CHEK2: variants seen among roughly 807,000 people sequenced by gnomAD.
CHEK2 encodes the protein checkpoint kinase 2, also known as serine/threonine-protein kinase Chk2.
Under a neutral mutation model 69.1 loss-of-function variants are expected in CHEK2, and 71 were observed. That is an observed-to-expected ratio of 1.03 (90% CI 0.85 to 1.25). The LOEUF (loss-of-function observed/expected upper bound fraction) is 1.25, where lower values mean the gene tolerates loss of function less well. Ranked by LOEUF, CHEK2 falls within the 50% of genes most tolerant of loss-of-function variation. The pLI is 0.00. For missense variants in CHEK2, 664 were observed against 649.6 expected (o/e 1.02, Z -0.24); for synonymous variants, 189 against 226.9 (o/e 0.83, Z 1.50).
At chr22:28,734,273 T>A in intron 2 of CHEK2, 130 bp downstream of exon 2, 1 of 800,436 alleles carries the variant, frequency 1.2e-6, no homozygotes, top group Non-Finnish European at 2.1e-6. Context: ...TGTTCATGCA[T>A]GATGTTCAAT....
At chr22:28,714,876 T>C in intron 5 of CHEK2, among the ~76,000 whole-genome samples, 1 of 152,180 alleles carries the variant, frequency 6.6e-6, no homozygotes, top group Non-Finnish European at 1.5e-5. Flanking sequence ...CACTTTCCAA[T>C]TTCCCTTCTC....
Position 28,687,807 on chromosome 22 carries a change from A to T in CHEK2, c.*90T>A. ...TGAAAAAGCAATTATTCCCATAATT[A>T]AAATACAAACTATAAAAAAACAGAC... On this transcript the variant is annotated 3_prime_UTR_variant, in exon 15 of 15. Coordinates refer to ENST00000404276, the MANE Select transcript of CHEK2 (RefSeq NM_007194.4). The T allele has an allele frequency of 9.5e-6, 10 of 1,055,732 alleles. No individual in the cohort carries two copies. In the South Asian group the frequency reaches 1.3e-4, roughly 14 times the overall value. 65.4% of individuals were successfully genotyped at this position (1,055,732 alleles called of 1,614,324 possible).
intron 5 of CHEK2, among the ~76,000 whole-genome samples, chr22:28,716,486 C>T (rs983772964): frequency 2.0e-5 from 3 of 152,082 alleles, no homozygotes; most frequent in East Asian, 1.9e-4. Flanking sequence ...TGTGAGCCAC[C>T]GTGCCCAGCC....
At chr22:28,730,376 GGAAAGA>G (rs2054175145) in intron 2 of CHEK2, 2 of 528,222 alleles carry the variant, frequency 3.8e-6, no homozygotes, top group Non-Finnish European at 3.4e-6. Flanking sequence ...AAAGGAAAAG[GGAAAGA>G]GAAAGGGAAA....
chr22:28,694,695 A>G (rs1482783928), intron 12 of CHEK2, among the ~76,000 whole-genome samples: 1 of 152,372 alleles, frequency 6.6e-6, no homozygotes, highest in Admixed American at 6.5e-5. Context: ...AGGATAAATT[A>G]TAAAATACAA....
intron 8 of CHEK2, among the ~76,000 whole-genome samples, chr22:28,702,456 C>T (rs142012577): frequency 0.027 from 4,052 of 150,852 alleles, 116 homozygotes; most frequent in African/African-American, 0.064. Flanking sequence ...GCCAGGATGG[C>T]CTCGATCTCC....
chr22:28,706,081 CAA>C (rs2053128027), intron 7 of CHEK2, among the ~76,000 whole-genome samples: 1 of 152,040 alleles, frequency 6.6e-6, no homozygotes, highest in Non-Finnish European at 1.5e-5. Flanking sequence ...ATCACCAGGT[CAA>C]GAGATCAAGA....
chr22:28,703,880 GTAC>G (rs1555917150), intron 7 of CHEK2, among the ~76,000 whole-genome samples: 2 of 152,222 alleles, frequency 1.3e-5, no homozygotes, highest in Non-Finnish European at 2.9e-5. Context: ...CAGAGCAGAG[GTAC>G]TCAAGGACAG....
chr22:28,689,083 A>T (rs1439564914), intron 14 of CHEK2, 52 bp downstream of exon 14: 2 of 1,214,284 alleles, frequency 1.6e-6, no homozygotes, highest in African/African-American at 1.5e-5. Flanking sequence ...ATCTTTGCTT[A>T]TCAGCTCCTT....
chr22:28,703,031 C>T (rs1050497077), intron 8 of CHEK2, among the ~76,000 whole-genome samples: 1 of 152,182 alleles, frequency 6.6e-6, no homozygotes, highest in Non-Finnish European at 1.5e-5. Flanking sequence ...TGGTTGAATA[C>T]ACGGATGTAA....
At chr22:28,691,365 G>A (rs1361112736) in intron 13 of CHEK2, among the ~76,000 whole-genome samples, 13 of 152,222 alleles carry the variant, frequency 8.5e-5, no homozygotes, top group Non-Finnish European at 1.5e-5. Context: ...TGTAATCCCA[G>A]CCACTTGGGA....
Position 28,725,296 on chromosome 22 carries a change from T to C in CHEK2, c.391A>G (p.Lys131Glu), listed in dbSNP as rs1275395933. The change falls in exon 3 of 15, where the codon AAA becomes GAA. Residue 131 changes from lysine (K) to glutamate (E), a missense_variant. Physicochemically the swap from Lys to Glu is moderately conservative, Grantham distance 56. Transcript: ENST00000404276. ...TATGTTCGGTATTTATCTGTTCTTT[T>C]CAGCAGTGGTTCATCAAAGCAATAT... is the stretch of plus-strand genomic sequence containing the variant. ...CEYCFDEPLL[K>E]RTDKYRTYSK... The C allele has an allele frequency of 6.2e-7, 1 of 1,614,050 alleles. No individual in the cohort carries two copies. The highest frequency in any genetic ancestry group is 1.7e-5 in the Admixed American group (1 of 59,982).
chr22:28,697,115 C>A, intron 9 of CHEK2, 128 bp from the exon 10 acceptor site: 1 of 687,144 alleles, frequency 1.5e-6, no homozygotes, highest in Non-Finnish European at 2.7e-6. Flanking sequence ...CCATATTCTC[C>A]AAAATCATAG....
chr22:28,725,786 G>A (rs939440474), intron 2 of CHEK2, among the ~76,000 whole-genome samples: 1 of 152,104 alleles, frequency 6.6e-6, no homozygotes, highest in African/African-American at 2.4e-5. Flanking sequence ...GTGGGTCCCT[G>A]TGGTCTCAGC....
chr22:28,732,132 A>G lies in CHEK2; in HGVS notation c.319+2271T>C, dbSNP rs1367477763. 2.3e-4 allele frequency among the ~76,000 whole-genome samples: 34 copies of G among 149,516 alleles called. 2 individuals carry two copies. In the South Asian group the frequency reaches 6.2e-3, roughly 27 times the overall value. ...AATTTTTTTTTCTTTTTTTTTTGAG[A>G]TGGAGTTTCGCTCTTGTTGCCCAGG... On this transcript the variant is annotated intron_variant, in intron 2 of 14. Transcript: ENST00000404276.
chr22:28,694,267 C>T, intron 12 of CHEK2, 150 bp from the exon 13 acceptor site: 1 of 681,144 alleles, frequency 1.5e-6, no homozygotes, highest in Non-Finnish European at 2.7e-6. Context: ...ATCTTCCTCA[C>T]TCTCTGTATT....
chr22:28,692,088 G>A (rs1487786753), intron 13 of CHEK2, among the ~76,000 whole-genome samples: 1 of 152,184 alleles, frequency 6.6e-6, no homozygotes, highest in East Asian at 1.9e-4. Flanking sequence ...CTCCTTGGTT[G>A]TTAATAAGTT....
chr22:28,712,121 A>AGAATTTACAG, intron 5 of CHEK2, 104 bp from the exon 6 acceptor site: 6 of 820,856 alleles, frequency 7.3e-6, no homozygotes, highest in Non-Finnish European at 1.2e-5. Context: ...CATTCCATAT[A>AGAATTTACAG]ACAGCCTTTC....
intron 4 of CHEK2, chr22:28,721,625 A>AT: frequency 2.2e-6 from 1 of 457,148 alleles, no homozygotes; most frequent in Non-Finnish European, 4.5e-6. Context: ...GATTTTAAGT[A>AT]TTTTCTCTAT....
Sources: gnomAD v4.1 joint callset for allele counts (sites outside exome capture counted in the v4.1 genomes callset) on GRCh38, gnomAD v4.1.1 for gene constraint, MANE v1.5 for transcripts, NCBI Gene and HGNC (gene_info 2026-07-23, HGNC 2026-07-21) for gene names.